Variants in NIPSNAP3B observed in about 807,000 individuals in gnomAD.
NIPSNAP3B encodes nipsnap homolog 3B.
A neutral mutation model predicts 31.5 loss-of-function variants in NIPSNAP3B; 30 were observed. That is an observed-to-expected ratio of 0.95 (90% CI 0.71 to 1.29). NIPSNAP3B has a LOEUF of 1.29. Among genes scored for constraint, NIPSNAP3B ranks in the 50% most tolerant of loss-of-function variants. The probability of loss-of-function intolerance (pLI) is 0.00; values close to 1 mark genes in which losing one functional copy is unlikely to be tolerated. For missense variants in NIPSNAP3B, 269 were observed against 300.7 expected, an observed-to-expected ratio of 0.89 and a Z score of 0.78; for synonymous variants, 106 against 107.9, an observed-to-expected ratio of 0.98 and a Z score of 0.11.
intron 2 of NIPSNAP3B, among the ~76,000 whole-genome samples, chr9:104,767,364 A>G (rs1412055190): frequency 6.6e-6 from 1 of 152,144 alleles, no homozygotes; most frequent in East Asian, 1.9e-4. Flanking sequence ...TAGTAGAGGA[A>G]AGAGAACAAG....
intron 2 of NIPSNAP3B, among the ~76,000 whole-genome samples, chr9:104,767,706 T>C (rs1402384959): frequency 6.6e-6 from 1 of 152,152 alleles, no homozygotes; most frequent in East Asian, 1.9e-4. Context: ...ACATATATAA[T>C]CCACTTATGT....
intron 2 of NIPSNAP3B, among the ~76,000 whole-genome samples, chr9:104,767,132 C>T (rs2162116): frequency 0.024 from 3,617 of 152,018 alleles, 168 homozygotes; most frequent in East Asian, 0.23. Context: ...ATAATTCACC[C>T]ATTTGGGAGC....
chr9:104,784,535 T>C, the NIPSNAP3B span: 7 of 1,568,422 alleles, frequency 4.5e-6, no homozygotes, highest in Non-Finnish European at 5.2e-6. Flanking sequence ...TTTCCAGATG[T>C]TGAAATTAGG....
chr9:104,788,655 C>T, the NIPSNAP3B span: 1 of 1,476,814 alleles, frequency 6.8e-7, no homozygotes, highest in Non-Finnish European at 9.4e-7. Context: ...GTAAAGTATG[C>T]TTCTCCATTA....
intron 4 of NIPSNAP3B, among the ~76,000 whole-genome samples, chr9:104,772,250 T>A (rs1430289392): frequency 6.6e-6 from 1 of 151,632 alleles, no homozygotes; most frequent in Non-Finnish European, 1.5e-5. Context: ...TGTAATTAGA[T>A]ACCATTTGTC....
At chr9:104,787,013 G>A in the NIPSNAP3B span, 8 of 1,552,380 alleles carry the variant, frequency 5.2e-6, no homozygotes, top group Non-Finnish European at 7.0e-6. Context: ...TTTGCTGGGG[G>A]GAAAAAAAAT....
chr9:104,790,402 T>C, the NIPSNAP3B span, among the ~76,000 whole-genome samples: 1 of 152,190 alleles, frequency 6.6e-6, no homozygotes, highest in African/African-American at 2.4e-5. Flanking sequence ...TATAGGTACA[T>C]GTACATAGGG....
Position 104,770,896 on chromosome 9 carries a change from C to T in NIPSNAP3B, c.478C>T (p.Leu160=), listed in dbSNP as rs1416218266. 4.3e-6 allele frequency: 7 copies of T among 1,613,636 alleles called. No individual in the cohort carries two copies. Among genetic ancestry groups the T allele is most frequent in the Non-Finnish European group, 5.9e-6 (7 of 1,179,698 alleles). ...TCAGATGAAACCTGGTGGGCCAGCT[C>T]TGTGGGGTGATGCATTTGAAAGAGC... ...VFQMKPGGPA[L]WGDAFERAIN... is the part of the protein sequence containing the mutation. Residue 160 remains leucine (L), a synonymous_variant, in exon 4 of 6, where the codon CTG becomes TTG. Transcript: ENST00000374762.
the NIPSNAP3B span, chr9:104,784,065 A>T: frequency 8.2e-6 from 4 of 485,208 alleles, no homozygotes; most frequent in Admixed American, 1.0e-4. Flanking sequence ...TCACATAGGT[A>T]TAGGTAAAAA....
the NIPSNAP3B span, chr9:104,788,090 C>G: frequency 5.6e-6 from 9 of 1,608,548 alleles, no homozygotes; most frequent in Non-Finnish European, 6.8e-6. Context: ...TTTGGTCTGG[C>G]TTGGGAATTT....
At position 104,770,945 on chromosome 9, in the gene NIPSNAP3B, GC is replaced by G. The variant is rs1828201621; in HGVS notation, c.528del (p.Tyr177ThrfsTer4). ...ERAINAHVNLGYTKVVGVFHT... is the reference protein window; with the variant it reads ...ERAINAHVNLXYTKVVGVFHT... Reference sequence around the variant, plus strand: ...GCAATTAATGCCCATGTCAATTTAGGCTACACAAAAGTAGTTGGTGTTTTCC... The same window carrying G: ...GCAATTAATGCCCATGTCAATTTAGGTACACAAAAGTAGTTGGTGTTTTCC... On this transcript the variant is annotated frameshift_variant, in exon 4 of 6. Transcript: ENST00000374762. LOFTEE classifies it high-confidence loss of function. The G allele has an allele frequency of 2.5e-6, 4 of 1,613,880 alleles. No homozygotes were observed. The highest frequency in any genetic ancestry group is 3.4e-6 in the Non-Finnish European group (4 of 1,179,820).
chr9:104,764,337 AG>A, intron 1 of NIPSNAP3B, 37 bp downstream of exon 1: 1 of 1,493,394 alleles, frequency 6.7e-7, no homozygotes, highest in Non-Finnish European at 9.1e-7. Context: ...CCCTGGCCGG[AG>A]GGGAGGGGAG....
At position 104,773,004 on chromosome 9, in the gene NIPSNAP3B, A is replaced by G. The variant is rs56270385; in HGVS notation, c.675A>G (p.Glu225=). The change falls in exon 6 of 6, where the codon GAA becomes GAG. Residue 225 remains glutamate (E), a synonymous_variant. Coordinates refer to ENST00000374762, the MANE Select transcript of NIPSNAP3B (RefSeq NM_018376.4). The stretch of plus-strand genomic sequence containing the variant: ...TATGAAATGTTTTTCCAGTTCGGGA[A>G]AGTGTCAACTACCTAGTTTCTCAGC... ...EDPRVVAAVR[E]SVNYLVSQQN... is the part of the protein sequence containing the mutation. 4.7e-3 allele frequency: 7,513 copies of G among 1,614,072 alleles called. 327 individuals carry two copies. The African/African-American group carries it at 0.09, about 19-fold the overall frequency.
chr9:104,770,499 A>T (rs1828192330), intron 3 of NIPSNAP3B, among the ~76,000 whole-genome samples: 1 of 152,332 alleles, frequency 6.6e-6, no homozygotes, highest in South Asian at 2.1e-4. Flanking sequence ...AAAAGTGTAG[A>T]CAGGCAGCTT....
downstream of NIPSNAP3B, chr9:104,782,226 C>A (rs146353431): frequency 6.6e-6 from 1 of 151,938 alleles, no homozygotes; most frequent in Admixed American, 6.6e-5. Context: ...TAAAATGCAA[C>A]GATGCCATAT....
chr9:104,783,909 A>G, the NIPSNAP3B span: 10 of 191,938 alleles, frequency 5.2e-5, no homozygotes, highest in Middle Eastern at 2.6e-3. Context: ...GAGGATGTGC[A>G]TTACCTTTTG....
rs553138084 is a variant in NIPSNAP3B, at chr9:104,773,209, G to T, written c.*136G>T. On this transcript the variant is annotated 3_prime_UTR_variant, in exon 6 of 6. Coordinates refer to ENST00000374762, the MANE Select transcript of NIPSNAP3B (RefSeq NM_018376.4). ...AATTAGTTAATTTGCTGTGCTTCTT[G>T]CATTTTTGAAAGTTACATATTCTCC... The T allele has an allele frequency of 8.7e-4, 725 of 829,548 alleles. 1 individual carries two copies. Among genetic ancestry groups the T allele is most frequent in the Admixed American group, 2.0e-3 (77 of 37,988 alleles). The allele number at this position is 829,548 out of a possible 1,614,324, so 51.4% of individuals were successfully genotyped here. A position where few individuals can be genotyped will look rare whatever the true frequency, so the allele number is the denominator to read the frequency against.
intron 1 of NIPSNAP3B, among the ~76,000 whole-genome samples, chr9:104,764,671 G>T (rs1828053155): frequency 6.6e-6 from 1 of 152,134 alleles, no homozygotes; most frequent in African/African-American, 2.4e-5. Flanking sequence ...TCCGGAGTAG[G>T]TGGAATTACA....
chr9:104,788,198 G>C, the NIPSNAP3B span: 5 of 1,173,498 alleles, frequency 4.3e-6, no homozygotes, highest in East Asian at 9.4e-5. Flanking sequence ...AGCCAAAGCA[G>C]GGAGAAGGGA....
Sources: gnomAD v4.1 joint callset for allele counts (sites outside exome capture counted in the v4.1 genomes callset) on GRCh38, gnomAD v4.1.1 for gene constraint, MANE v1.5 for transcripts, NCBI Gene and HGNC (gene_info 2026-07-23, HGNC 2026-07-21) for gene names.